The following NSD3 variants were observed in gnomAD, a reference collection of about 807,000 sequenced individuals.
NSD3 encodes histone-lysine N-methyltransferase NSD3.
In NSD3, 24 loss-of-function variants were observed where a neutral mutation model predicts 160.8. The ratio of observed to expected loss-of-function variants is 0.15; its 90% CI spans 0.11 to 0.21. The LOEUF is 0.21. Among genes scored for constraint, NSD3 ranks in the 10% least tolerant of loss-of-function variants. NSD3 has a pLI of 1.00. For synonymous variants in NSD3, 520 were observed against 600.0 expected, an observed-to-expected ratio of 0.87 and a Z score of 1.95; for missense variants, 1,157 against 1,735.9, an observed-to-expected ratio of 0.67 and a Z score of 5.93.
intron 1 of NSD3, among the ~76,000 whole-genome samples, chr8:38,356,720 A>G (rs373402568): frequency 5.7e-4 from 87 of 152,338 alleles, no homozygotes; most frequent in African/African-American, 1.7e-3. Context: ...GTATTGCTAG[A>G]TTCTACTCTA....
intron 12 of NSD3, among the ~76,000 whole-genome samples, chr8:38,312,263 T>C (rs192478752): frequency 1.3e-5 from 2 of 152,018 alleles, no homozygotes; most frequent in African/African-American, 4.8e-5. Flanking sequence ...TTATTAAAAA[T>C]TTTTTTTCAT....
At position 38,288,717 on chromosome 8, in the gene NSD3, C is replaced by A; in HGVS notation, c.3271G>T (p.Asp1091Tyr). 1 of 1,614,198 alleles carries A rather than the reference C, an allele frequency of 6.2e-7. No homozygotes were observed. Among genetic ancestry groups the A allele is most frequent in the South Asian group, 1.1e-5 (1 of 91,072 alleles). ...TTACAGCGGGGAATCTCTGACAGGT[C>A]AGCAACCTGGATCTGCACCTTTCCT... ...VIGKVQIQVA[D>Y]LSEIPRCNCK... Residue 1091 changes from aspartate (D) to tyrosine (Y), a missense_variant, in exon 19 of 24, where the codon GAC (aspartate) becomes TAC (tyrosine). By Grantham distance (160) the Asp-to-Tyr change is radical (BLOSUM62 -3). Coordinates refer to ENST00000317025, the MANE Select transcript of NSD3 (RefSeq NM_023034.2). This position sits in a 1 kb window ranked among gnomAD's most constrained non-coding sequence, Gnocchi z 4.5.
At chr8:38,287,655 A>ATT (rs555434093) in intron 19 of NSD3, among the ~76,000 whole-genome samples, 2 of 141,154 alleles carry the variant, frequency 1.4e-5, no homozygotes, top group Non-Finnish European at 3.1e-5. Context: ...TACAAACCTG[A>ATT]TTTTTTTTTT....
rs561692459 is a variant in NSD3 at position 38,314,939 on chromosome 8, C to T, written c.2116-166G>A. ...ATTTCTAATATGTATCCAGAAGATG[C>T]TGATATTGTTTGTCCTTGGCCTTCA... On this transcript the variant is annotated intron_variant, in intron 11 of 23. Transcript: ENST00000317025. Among the ~76,000 whole-genome samples, 3 of 152,312 alleles carry T rather than the reference C, an allele frequency of 2.0e-5. No homozygotes were observed. In the South Asian group the frequency reaches 6.2e-4, roughly 32 times the overall value.
intron 7 of NSD3, among the ~76,000 whole-genome samples, chr8:38,325,099 C>T (rs1031915277): frequency 6.6e-5 from 10 of 152,308 alleles, no homozygotes; most frequent in East Asian, 1.9e-4. Flanking sequence ...GAGGGGGTCA[C>T]GAGAACCTCC....
intron 1 of NSD3, among the ~76,000 whole-genome samples, chr8:38,374,496 C>G (rs761773365): frequency 1.3e-5 from 2 of 152,096 alleles, no homozygotes; most frequent in Non-Finnish European, 2.9e-5. Context: ...GTGGCACCTG[C>G]CTGTAGTCCC....
intron 1 of NSD3, among the ~76,000 whole-genome samples, chr8:38,365,833 C>A (rs1239505663): frequency 6.6e-6 from 1 of 152,044 alleles, no homozygotes. Context: ...AGATGATCAT[C>A]AGGTACTTTT....
rs755406154 is a variant in NSD3, at chr8:38,290,520, T to G, written c.3073A>C (p.Ser1025Arg). 3.1e-6 allele frequency: 5 copies of G among 1,614,024 alleles called. No individual in the cohort carries two copies. The Admixed American group carries it at 8.3e-5, about 27-fold the overall frequency. Residue 1025 changes from serine to arginine, a missense_variant, in exon 17 of 24, where the codon AGC becomes CGC. Ser to Arg is a moderately radical substitution (Grantham distance 110, BLOSUM62 -1). This residue lies in a region of NSD3 where 437 missense variants were observed against 576.6 expected (regional missense o/e 0.76). Transcript: ENST00000317025. ...ATACTAGTCTGCCCTTCAGCAAAGC[T>G]TTTGTCTCCTTCAACATAAGGGAAC... ...RVFPYVEGDK[S>R]FAEGQTSINK...
At chr8:38,372,106 G>C (rs1563371819) in intron 1 of NSD3, among the ~76,000 whole-genome samples, 1 of 152,208 alleles carries the variant, frequency 6.6e-6, no homozygotes, top group Non-Finnish European at 1.5e-5. Flanking sequence ...TACTGCAAAA[G>C]CAGGAGTGTC....
chr8:38,326,145 C>T (rs1809906835), intron 7 of NSD3, among the ~76,000 whole-genome samples: 5 of 149,902 alleles, frequency 3.3e-5, no homozygotes, highest in Non-Finnish European at 1.5e-5. Flanking sequence ...GAGACTCTGT[C>T]TCAAAAAAAA....
At chr8:38,330,472 A>G (rs1245405824) in intron 5 of NSD3, among the ~76,000 whole-genome samples, 1 of 152,218 alleles carries the variant, frequency 6.6e-6, no homozygotes, top group Non-Finnish European at 1.5e-5. Flanking sequence ...TATAGTTTCC[A>G]TAGGTCTCTA....
chr8:38,323,572 C>T (rs1369555341), intron 7 of NSD3, among the ~76,000 whole-genome samples: 1 of 152,052 alleles, frequency 6.6e-6, no homozygotes, highest in African/African-American at 2.4e-5. Flanking sequence ...AATCCCAACA[C>T]TTCAAGAGGG....
At chr8:38,331,626 C>T in intron 4 of NSD3, 41 bp from the exon 5 acceptor site, 1 of 1,601,508 alleles carries the variant, frequency 6.2e-7, no homozygotes, top group Non-Finnish European at 8.5e-7. Flanking sequence ...AGAACATAAG[C>T]ATTCACATCT....
chr8:38,360,701 A>C (rs1427091200), intron 1 of NSD3, among the ~76,000 whole-genome samples: 16 of 152,228 alleles, frequency 1.1e-4, no homozygotes, highest in Admixed American at 1.0e-3. Context: ...GCCTTTTAGA[A>C]AGAACTCTAA....
At chr8:38,277,556 C>T (rs111737759) in intron 22 of NSD3, among the ~76,000 whole-genome samples, 3,533 of 152,020 alleles carry the variant, frequency 0.023, 63 homozygotes, top group Non-Finnish European at 0.038. Flanking sequence ...GGATTACAGG[C>T]GTGAGCCACC....
At chr8:38,287,265 G>A (rs1808883585) in intron 19 of NSD3, among the ~76,000 whole-genome samples, 1 of 152,066 alleles carries the variant, frequency 6.6e-6, no homozygotes. Context: ...TGGGGAAATA[G>A]GTTATTTATT....
At position 38,321,654 on chromosome 8, in the gene NSD3, G is replaced by A. The variant is rs980105975; in HGVS notation, c.1709-482C>T. 1.3e-5 allele frequency among the ~76,000 whole-genome samples: 2 copies of A among 152,166 alleles called. No homozygotes were observed. The highest frequency in any genetic ancestry group is 2.9e-5 in the Non-Finnish European group (2 of 68,026). ...ATACATAAAATGGTTAACAGTGCTT[G>A]TTGCACTTATGTAAGTTTTGCTGTT... On this transcript the variant is annotated intron_variant, in intron 7 of 23. Transcript: ENST00000317025. The surrounding 1 kb of genome is among the most constrained non-coding windows in gnomAD (Gnocchi z 4.7).
chr8:38,314,665 A>G lies in NSD3; in HGVS notation c.2224T>C (p.Cys742Arg), dbSNP rs1809614206. 6.2e-7 allele frequency: 1 copy of G among 1,614,234 alleles called. No individual in the cohort carries two copies. The highest frequency in any genetic ancestry group is 8.5e-7 in the Non-Finnish European group (1 of 1,180,044). ...LASLPDSKFI[C>R]MECKTGQHPC... ...ATCTTACCAGTTTTACATTCCATGC[A>G]GATGAACTTGCTATCAGGAAGTGAT... Residue 742 changes from cysteine (C) to arginine (R), a missense_variant, in exon 12 of 24, where the codon TGC becomes CGC. Cys to Arg is a radical substitution (Grantham distance 180). This residue lies in a region of NSD3 where 437 missense variants were observed against 576.6 expected (regional missense o/e 0.76). Coordinates refer to ENST00000317025, the MANE Select transcript of NSD3 (RefSeq NM_023034.2).
Position 38,382,258 on chromosome 8 carries a change from G to T in NSD3, c.-504C>A. 5.9e-6 allele frequency: 1 copy of T among 168,740 alleles called. No homozygotes were observed. The highest frequency in any genetic ancestry group is 1.6e-4 in the South Asian group (1 of 6,416). The allele number at this position is 168,740 out of a possible 1,614,324, so 10.5% of individuals were successfully genotyped here. ...CGCCGCCGCCTCTCCCGCCGCCGCC[G>T]CGCACAAAGCCCCCCCACCCCGACT... is the stretch of plus-strand genomic sequence containing the variant. On this transcript the variant is annotated 5_prime_UTR_variant, in exon 1 of 24. Transcript: ENST00000317025. This position sits in a 1 kb window ranked among gnomAD's most constrained non-coding sequence, Gnocchi z 4.2.
Sources: allele counts gnomAD v4.1 joint callset (sites outside exome capture counted in the v4.1 genomes callset), GRCh38; gene constraint gnomAD v4.1.1; regional missense constraint gnomAD v4.1.1; non-coding constraint Gnocchi (gnomAD v3.1); transcripts MANE v1.5; gene names NCBI Gene and HGNC (gene_info 2026-07-23, HGNC 2026-07-21).